Variants in CNOT1 observed in about 807,000 individuals in gnomAD.
CNOT1 encodes the protein CCR4-NOT transcription complex subunit 1.
A neutral mutation model predicts 273.8 loss-of-function variants in CNOT1; 15 were observed. The ratio of observed to expected loss-of-function variants is 0.05; its 90% CI spans 0.04 to 0.08. The LOEUF (loss-of-function observed/expected upper bound fraction) is 0.08. CNOT1 is among the 10% of genes least tolerant of loss of function. The probability of loss-of-function intolerance (pLI) is 1.00; values close to 1 mark genes in which losing one functional copy is unlikely to be tolerated. For synonymous variants in CNOT1, 1,022 were observed against 1,005.5 expected (o/e 1.02, Z -0.31); for missense variants, 1,644 against 2,912.2 (o/e 0.56, Z 10.02).
intron 2 of CNOT1, among the ~76,000 whole-genome samples, chr16:58,589,269 T>G (rs7202088): frequency 0.23 from 35,193 of 152,058 alleles, 4,455 homozygotes; most frequent in African/African-American, 0.34. Context: ...TCCCAGCACT[T>G]TGGGAGGCCG....
chr16:58,527,969 C>T (rs1597397973), intron 44 of CNOT1: 1 of 325,956 alleles, frequency 3.1e-6, no homozygotes, highest in Non-Finnish European at 6.0e-6. Context: ...CATAATTAGC[C>T]AGGTGTGGTG....
chr16:58,525,934 A>T, intron 45 of CNOT1, 55 bp downstream of exon 45: 1 of 1,521,932 alleles, frequency 6.6e-7, no homozygotes, highest in East Asian at 2.3e-5. Context: ...AGGACCATAC[A>T]TAGAAAGTGC....
At chr16:58,540,008 T>G in intron 34 of CNOT1, 49 bp from the exon 35 acceptor site, 1 of 1,552,118 alleles carries the variant, frequency 6.4e-7, no homozygotes, top group Non-Finnish European at 8.7e-7. Flanking sequence ...AATGTTAAGG[T>G]TTTTTATTGA....
intron 1 of CNOT1, among the ~76,000 whole-genome samples, chr16:58,620,441 G>A (rs904192268): frequency 6.6e-6 from 1 of 151,988 alleles, no homozygotes; most frequent in Non-Finnish European, 1.5e-5. Flanking sequence ...AGGGGTTCAG[G>A]ACCAGCCTGG....
intron 14 of CNOT1, among the ~76,000 whole-genome samples, chr16:58,575,723 C>A (rs964320442): frequency 6.6e-6 from 1 of 151,936 alleles, no homozygotes; most frequent in Non-Finnish European, 1.5e-5. Flanking sequence ...CACTTGAACC[C>A]GGGAGGCAGA....
At chr16:58,604,408 G>A (rs1358154150) in intron 1 of CNOT1, among the ~76,000 whole-genome samples, 3 of 152,062 alleles carry the variant, frequency 2.0e-5, no homozygotes, top group Non-Finnish European at 4.4e-5. Context: ...TATACGCGTT[G>A]TCTACTATTG....
chr16:58,537,284 A>G lies in CNOT1; in HGVS notation c.5415-64T>C. On this transcript the variant is annotated intron_variant, in intron 38 of 48. Coordinates refer to ENST00000317147, the MANE Select transcript of CNOT1 (RefSeq NM_016284.5). ...TAGTTGTGATTTTACAGACATACGC[A>G]TGTATAGTTTGCTTATTTAACAGCA... is the stretch of plus-strand genomic sequence containing the variant. 4 of 1,518,494 alleles carry G rather than the reference A, an allele frequency of 2.6e-6. No individual in the cohort carries two copies. In the South Asian group the frequency reaches 4.0e-5, roughly 15 times the overall value. 94.1% of individuals were successfully genotyped at this position (1,518,494 alleles called of 1,614,324 possible).
intron 17 of CNOT1, 158 bp downstream of exon 17, chr16:58,560,054 T>C: frequency 6.7e-7 from 1 of 1,498,962 alleles, no homozygotes; most frequent in Non-Finnish European, 8.9e-7. Context: ...TATTGTTAAC[T>C]ACAATGCCTA....
At position 58,546,309 on chromosome 16, in the gene CNOT1, T is replaced by G; in HGVS notation, c.4006+12A>C. ...CTAACAGAAGCCTTCCTTGACTAATTAGCACACTTACTTGTGGTTGTGATG... is the reference window on the plus strand; with the variant it reads ...CTAACAGAAGCCTTCCTTGACTAATGAGCACACTTACTTGTGGTTGTGATG... On this transcript the variant is annotated intron_variant, in intron 29 of 48. Transcript: ENST00000317147. 6.2e-7 allele frequency: 1 copy of G among 1,609,238 alleles called. No individual in the cohort carries two copies. The highest frequency in any genetic ancestry group is 8.5e-7 in the Non-Finnish European group (1 of 1,176,388).
At chr16:58,589,463 G>A (rs933025925) in intron 2 of CNOT1, among the ~76,000 whole-genome samples, 1 of 152,156 alleles carries the variant, frequency 6.6e-6, no homozygotes, top group Admixed American at 6.6e-5. Context: ...AGTGAGCTGA[G>A]ATCGTGCCAT....
intron 14 of CNOT1, among the ~76,000 whole-genome samples, chr16:58,575,870 C>G (rs1042996357): frequency 6.6e-6 from 1 of 152,086 alleles, no homozygotes; most frequent in Non-Finnish European, 1.5e-5. Flanking sequence ...AGGGAAGAAG[C>G]ATGCCTAGTT....
chr16:58,565,012 C>T lies in CNOT1; in HGVS notation c.1980-4650G>A, dbSNP rs886914357. Among the ~76,000 whole-genome samples, 4 of 152,164 alleles carry T rather than the reference C, an allele frequency of 2.6e-5. No homozygotes were observed. In the South Asian group the frequency reaches 6.2e-4, roughly 24 times the overall value. ...AATTAACTCCCACAAATGCTTCTCA[C>T]GCCAATGGTATACATTTGCCTTATT... On this transcript the variant is annotated intron_variant, in intron 16 of 48. Transcript: ENST00000317147.
At chr16:58,589,234 C>T (rs1338344792) in intron 2 of CNOT1, among the ~76,000 whole-genome samples, 1 of 152,120 alleles carries the variant, frequency 6.6e-6, no homozygotes, top group African/African-American at 2.4e-5. Flanking sequence ...TTTCCTGGGC[C>T]GGGTGCAGTG....
intron 8 of CNOT1, among the ~76,000 whole-genome samples, chr16:58,584,454 C>T (rs1295329511): frequency 1.3e-5 from 2 of 151,986 alleles, no homozygotes; most frequent in Non-Finnish European, 2.9e-5. Flanking sequence ...CCTCAGCCTC[C>T]TGAGTAGCTG....
intron 16 of CNOT1, among the ~76,000 whole-genome samples, chr16:58,570,292 T>C (rs561687386): frequency 1.3e-5 from 2 of 152,292 alleles, no homozygotes; most frequent in Admixed American, 6.5e-5. Flanking sequence ...TATGAAAAAC[T>C]ACTGGCAAAG....
intron 16 of CNOT1, 145 bp downstream of exon 16, chr16:58,574,464 T>C: frequency 1.5e-6 from 1 of 673,130 alleles, no homozygotes; most frequent in Non-Finnish European, 2.3e-6. Context: ...CTAGTATGTA[T>C]CATAAATAGT....
intron 16 of CNOT1, among the ~76,000 whole-genome samples, chr16:58,561,238 T>C (rs1350388457): frequency 6.6e-6 from 1 of 152,208 alleles, no homozygotes; most frequent in East Asian, 1.9e-4. Flanking sequence ...CCCATCCCTC[T>C]GCATCTGTCA....
intron 1 of CNOT1, among the ~76,000 whole-genome samples, chr16:58,618,444 T>C (rs2043174557): frequency 6.6e-6 from 1 of 151,938 alleles, no homozygotes; most frequent in Non-Finnish European, 1.5e-5. Flanking sequence ...TAGCAGGACA[T>C]GGTGGTGCAC....
In CNOT1 at chr16:58,545,768, T is replaced by C. The variant is rs151246468; in HGVS notation, c.4007-277A>G. ...GCCATATTGTCAGGCCCAAGTCCTA[T>C]AAACTTAGTCTATATTATAAATGTA... is the stretch of plus-strand genomic sequence containing the variant. On this transcript the variant is annotated intron_variant, in intron 29 of 48. Transcript: ENST00000317147. 4.5e-4 allele frequency among the ~76,000 whole-genome samples: 68 copies of C among 152,306 alleles called. No homozygotes were observed. The East Asian group carries it at 0.012, about 27-fold the overall frequency.
Sources: allele counts gnomAD v4.1 joint callset (sites outside exome capture counted in the v4.1 genomes callset), GRCh38; gene constraint gnomAD v4.1.1; transcripts MANE v1.5; gene names NCBI Gene and HGNC (gene_info 2026-07-23, HGNC 2026-07-21).